Variants in ZNF91 observed in about 807,000 individuals in gnomAD.
The protein encoded by ZNF91 is zinc finger protein 91 (HPF7, HTF10).
In ZNF91, 7 loss-of-function variants were observed where a neutral mutation model predicts 12.6. That is an observed-to-expected ratio of 0.55 (90% CI 0.31 to 1.04). ZNF91 has a LOEUF of 1.04. ZNF91 is among the 50% of genes least tolerant of loss of function. The pLI is 0.05. For missense variants in ZNF91, 1,217 were observed against 1,385.4 expected (o/e 0.88, Z 1.93); for synonymous variants, 453 against 462.6 (o/e 0.98, Z 0.27).
rs1254845947 is a variant in ZNF91 at position 23,344,972 on chromosome 19, T to A, written c.254-5918A>T. The stretch of plus-strand genomic sequence containing the variant: ...TCTGTGCATGCCCCTCGGTCACTGA[T>A]CTCACCTACCAGTAAGTATCCTGGG... On this transcript the variant is annotated intron_variant, in intron 3 of 3. Coordinates refer to the ZNF91 transcript ENST00000599743. Among the ~76,000 whole-genome samples, 4 of 152,168 alleles carry A rather than the reference T, an allele frequency of 2.6e-5. No individual in the cohort carries two copies. The East Asian group carries it at 7.7e-4, about 29-fold the overall frequency.
chr19:23,309,538 C>T (rs1190078081), intron 1 of ZNF91, among the ~76,000 whole-genome samples: 2 of 152,090 alleles, frequency 1.3e-5, no homozygotes, highest in African/African-American at 2.4e-5. Flanking sequence ...TCTCTTTTTT[C>T]TGGTCCCTTC....
intron 1 of ZNF91, among the ~76,000 whole-genome samples, chr19:23,377,963 A>AT (rs1464338237): frequency 3.9e-5 from 6 of 152,086 alleles, no homozygotes; most frequent in African/African-American, 1.4e-4. Context: ...TTTGTCACTC[A>AT]TTTTTTTAAA....
At chr19:23,312,437 G>A (rs749396945), upstream of ZNF91, among the ~76,000 whole-genome samples, 6 of 152,164 alleles carry the variant, frequency 3.9e-5, no homozygotes, top group African/African-American at 1.2e-4. Context: ...CCACTGTCTC[G>A]CATTTCATAG....
chr19:23,331,166 C>T (rs1401070638), intron 1 of ZNF91, among the ~76,000 whole-genome samples: 1 of 152,068 alleles, frequency 6.6e-6, no homozygotes, highest in Non-Finnish European at 1.5e-5. Flanking sequence ...ATTTTCTATG[C>T]TTTGGGGTAT....
chr19:23,323,708 C>T (rs1047409043), intron 1 of ZNF91, among the ~76,000 whole-genome samples: 1 of 118,106 alleles, frequency 8.5e-6, no homozygotes, highest in South Asian at 2.9e-4. Flanking sequence ...ATCCTCTCCT[C>T]CTTCTTTTCT....
chr19:23,343,008 T>A (rs1968154991), intron 3 of ZNF91, among the ~76,000 whole-genome samples: 1 of 152,208 alleles, frequency 6.6e-6, no homozygotes, highest in South Asian at 2.1e-4. Context: ...AAAATATTGT[T>A]AAATAGAGAA....
intron 1 of ZNF91, among the ~76,000 whole-genome samples, chr19:23,317,684 A>G (rs1356843992): frequency 1.3e-5 from 2 of 151,962 alleles, no homozygotes; most frequent in Non-Finnish European, 2.9e-5. Flanking sequence ...TGAAAAAGTG[A>G]CTCTTATATG....
At chr19:23,356,990 AG>A (rs1195224699), downstream of ZNF91, among the ~76,000 whole-genome samples, 1 of 152,206 alleles carries the variant, frequency 6.6e-6, no homozygotes, top group African/African-American at 2.4e-5. Flanking sequence ...GCACTTTGGG[AG>A]GCAGAGACGG....
rs1430545296 is a variant in ZNF91, at chr19:23,361,945, G to A, written c.1034C>T (p.Thr345Ile). ...TTTACATTTGTAGGGTTTCTCTCCA[G>A]TATGAATTCTCTTATGTTTAGCAAG... ...STLAKHKRIH[T>I]GEKPYKCKEC... Residue 345 changes from threonine (T) to isoleucine (I), a missense_variant, in exon 4 of 4, where the codon ACT becomes ATT. Coordinates refer to ENST00000300619, the MANE Select transcript of ZNF91 (RefSeq NM_003430.4). 3 of 1,613,354 alleles carry A rather than the reference G, an allele frequency of 1.9e-6. No homozygotes were observed. The highest frequency in any genetic ancestry group is 1.3e-5 in the African/African-American group (1 of 75,026).
intron 1 of ZNF91, among the ~76,000 whole-genome samples, chr19:23,310,347 T>C (rs1967452525): frequency 1.3e-5 from 2 of 152,156 alleles, no homozygotes; most frequent in Admixed American, 1.3e-4. Context: ...AGTTGGAAAA[T>C]TGACTCTCAT....
In ZNF91 at chr19:23,359,605, T is replaced by A; in HGVS notation, c.3374A>T (p.Lys1125Met). 6.2e-7 allele frequency: 1 copy of A among 1,614,004 alleles called. No individual in the cohort carries two copies. Among genetic ancestry groups the A allele is most frequent in the Non-Finnish European group, 8.5e-7 (1 of 1,179,944 alleles). The change falls in exon 4 of 4, where the codon AAG (lysine) becomes ATG (methionine). Residue 1125 changes from lysine to methionine, a missense_variant. Coordinates refer to ENST00000300619, the MANE Select transcript of ZNF91 (RefSeq NM_003430.4). ...FKESSALTKH[K>M]IIHTGEKPYK... Reference sequence around the variant, plus strand: ...GGGTTTCTCTCCAGTGTGAATTATCTTATGTTTAGTAAGAGCTGAGGACTC... The same window carrying A: ...GGGTTTCTCTCCAGTGTGAATTATCATATGTTTAGTAAGAGCTGAGGACTC...
intron 3 of ZNF91, chr19:23,307,117 A>T (rs1291423414): frequency 3.3e-5 from 5 of 152,196 alleles, no homozygotes; most frequent in African/African-American, 7.2e-5. Flanking sequence ...TCTGCCCACA[A>T]AGAAAAGTGT....
Position 23,360,836 on chromosome 19 carries a change from T to C in ZNF91, c.2143A>G (p.Lys715Glu), listed in dbSNP as rs372751233. ...AAAGCTTTGCCACATTCTTCACATT[T>C]GTAGAGTTTCTCTCCAGCATGTATT... ...KIIHAGEKLY[K>E]CEECGKAFNR... The change falls in exon 4 of 4, where the codon AAA (lysine) becomes GAA (glutamate). Residue 715 changes from lysine (K) to glutamate (E), a missense_variant. Around this residue, in one of 2 missense-constraint regions of ZNF91, gnomAD observed 726 missense variants for 895.5 expected, o/e 0.81. Coordinates refer to ENST00000300619, the MANE Select transcript of ZNF91 (RefSeq NM_003430.4). The C allele has an allele frequency of 7.2e-5, 117 of 1,613,816 alleles. No homozygotes were observed. The highest frequency in any genetic ancestry group is 5.7e-4 in the Admixed American group (34 of 59,988).
intron 3 of ZNF91, among the ~76,000 whole-genome samples, chr19:23,367,746 T>C (rs968891547): frequency 7.9e-5 from 12 of 152,138 alleles, no homozygotes; most frequent in Non-Finnish European, 1.5e-4. Flanking sequence ...TATGGCCAAA[T>C]AATCTCCCAC....
intron 3 of ZNF91, among the ~76,000 whole-genome samples, chr19:23,350,749 G>A (rs295379): frequency 0.29 from 44,332 of 151,930 alleles, 6,820 homozygotes; most frequent in East Asian, 0.38. Context: ...GATATGGCCA[G>A]GAGACACATT....
chr19:23,347,478 C>A (rs574700120), intron 3 of ZNF91, among the ~76,000 whole-genome samples: 1 of 152,218 alleles, frequency 6.6e-6, no homozygotes, highest in East Asian at 1.9e-4. Context: ...ACAACCTGTA[C>A]AAGGCCAGTT....
At chr19:23,340,349 T>A (rs960927821) in intron 3 of ZNF91, among the ~76,000 whole-genome samples, 6 of 151,982 alleles carry the variant, frequency 3.9e-5, no homozygotes, top group African/African-American at 1.2e-4. Context: ...AGAACAGACA[T>A]TACAATGGAT....
chr19:23,324,898 G>A (rs1052572747), intron 1 of ZNF91: 2 of 151,782 alleles, frequency 1.3e-5, no homozygotes, highest in African/African-American at 4.8e-5. Context: ...CCTTTTCATA[G>A]AGCGCTGTTT....
At chr19:23,312,789 A>T (rs1370239513), upstream of ZNF91, among the ~76,000 whole-genome samples, 2 of 152,228 alleles carry the variant, frequency 1.3e-5, no homozygotes, top group Non-Finnish European at 2.9e-5. Context: ...AATCTCATGC[A>T]TCAGGTATAA....
Sources: allele counts gnomAD v4.1 joint callset (sites outside exome capture counted in the v4.1 genomes callset), GRCh38; gene constraint gnomAD v4.1.1; regional missense constraint gnomAD v4.1.1; transcripts MANE v1.5; gene names NCBI Gene and HGNC (gene_info 2026-07-23, HGNC 2026-07-21).